Variants in TNR observed in about 807,000 individuals in gnomAD.
TNR encodes tenascin R.
Under a neutral mutation model 150.4 loss-of-function variants are expected in TNR, and 45 were observed. That is an observed-to-expected ratio of 0.30 (90% CI 0.24 to 0.38). The LOEUF (loss-of-function observed/expected upper bound fraction) is 0.38, where lower values mean the gene tolerates loss of function less well. TNR is among the 10% of genes least tolerant of loss of function. The probability of loss-of-function intolerance (pLI) is 1.00; values close to 1 mark genes in which losing one functional copy is unlikely to be tolerated. For missense variants in TNR, 1,544 were observed against 1,759.1 expected (o/e 0.88, Z 2.19); for synonymous variants, 687 against 678.4 (o/e 1.01, Z -0.20).
rs761468685 is a variant in TNR at position 175,599,661 on chromosome 1, C to T, written c.-164-71292G>A. ...GGACCTGGCTAACTCCAGAGGCCGG[C>T]GGCTCCTTGCGGTGGGGAGAGGAGG... On this transcript the variant is annotated intron_variant, in intron 1 of 22. Coordinates refer to ENST00000367674, the MANE Select transcript of TNR (RefSeq NM_003285.3). The surrounding 1 kb of genome is among the most constrained non-coding windows in gnomAD (Gnocchi z 4.7). 6.6e-6 allele frequency among the ~76,000 whole-genome samples: 1 copy of T among 152,176 alleles called. No individual in the cohort carries two copies. The highest frequency in any genetic ancestry group is 2.4e-5 in the African/African-American group (1 of 41,444).
intron 2 of TNR, among the ~76,000 whole-genome samples, chr1:175,409,484 G>A (rs1654111174): frequency 6.6e-6 from 1 of 152,158 alleles, no homozygotes; most frequent in South Asian, 2.1e-4. Context: ...AGCTTTATGT[G>A]TAAAAAAACA....
Position 175,386,262 on chromosome 1 carries a change from G to A in TNR, c.1547C>T (p.Ser516Leu), listed in dbSNP as rs769669262. 11 of 1,587,264 alleles carry A rather than the reference G, an allele frequency of 6.9e-6. No homozygotes were observed. Among genetic ancestry groups the A allele is most frequent in the African/African-American group, 4.0e-5 (3 of 74,298 alleles). The change falls in exon 8 of 23, where the codon TCG (serine) becomes TTG (leucine). Residue 516 changes from serine to leucine, a missense_variant. By Grantham distance (145) the Ser-to-Leu change is moderately radical. Around this residue, in one of 2 missense-constraint regions of TNR, gnomAD observed 1,254 missense variants for 1,329.4 expected, o/e 0.94. Transcript: ENST00000367674. ...GPTQILVRDV[S>L]DTVAFVEWIP... ...CCACTCCACAAAAGCCACAGTGTCC[G>A]AGACATCGCGAACCAGGATCTGCGT...
At chr1:175,601,204 CG>C (rs1274922293) in intron 1 of TNR, among the ~76,000 whole-genome samples, 1 of 152,180 alleles carries the variant, frequency 6.6e-6, no homozygotes, top group Non-Finnish European at 1.5e-5. Flanking sequence ...TGGTAAAAAC[CG>C]CCACATCCTG....
intron 2 of TNR, among the ~76,000 whole-genome samples, chr1:175,457,120 A>C (rs1376785830): frequency 1.3e-5 from 2 of 152,242 alleles, no homozygotes; most frequent in East Asian, 3.8e-4. Context: ...ATATATTAAA[A>C]ATAAAACTTC....
At position 175,703,506 on chromosome 1, in the gene TNR, G is replaced by A. The variant is rs150462149; in HGVS notation, c.-165+39720C>T. The stretch of plus-strand genomic sequence containing the variant: ...AGAATATTTGAATTTTATATATCCT[G>A]CATTTTACAGCTAGGGTAGGGCCTA... On this transcript the variant is annotated intron_variant, in intron 1 of 22. Transcript: ENST00000367674. Among the ~76,000 whole-genome samples the A allele has an allele frequency of 7.4e-4, 113 of 152,290 alleles. 1 individual carries two copies. The East Asian group carries it at 0.019, about 26-fold the overall frequency.
chr1:175,739,430 C>T (rs1667862089), intron 1 of TNR, among the ~76,000 whole-genome samples: 1 of 152,142 alleles, frequency 6.6e-6, no homozygotes, highest in African/African-American at 2.4e-5. Context: ...GAGAATTGGA[C>T]AGGCAAGGTG....
At chr1:175,354,336 G>A in intron 18 of TNR, 55 bp downstream of exon 18, 2 of 1,596,908 alleles carry the variant, frequency 1.3e-6, no homozygotes, top group Non-Finnish European at 1.7e-6. Context: ...GGCTGCTGAT[G>A]AGCCAAACAT....
intron 1 of TNR, among the ~76,000 whole-genome samples, chr1:175,625,992 G>A (rs909799249): frequency 6.6e-6 from 1 of 152,068 alleles, no homozygotes; most frequent in African/African-American, 2.4e-5. Flanking sequence ...TGAATCATGG[G>A]GGCCTGTCTT....
intron 15 of TNR, among the ~76,000 whole-genome samples, chr1:175,357,612 A>C (rs980658373): frequency 1.2e-4 from 19 of 152,168 alleles, no homozygotes; most frequent in Admixed American, 1.2e-3. Flanking sequence ...AAATGCCCAC[A>C]GTCTGCTCTT....
At chr1:175,556,438 C>T (rs1006737653) in intron 1 of TNR, among the ~76,000 whole-genome samples, 1 of 152,148 alleles carries the variant, frequency 6.6e-6, no homozygotes, top group Non-Finnish European at 1.5e-5. Flanking sequence ...CAACTTGTAC[C>T]AAAATACATT....
chr1:175,650,672 C>T (rs1319698911), intron 1 of TNR, among the ~76,000 whole-genome samples: 3 of 60,518 alleles, frequency 5.0e-5, no homozygotes, highest in Non-Finnish European at 1.1e-4. Context: ...TTGAGGCTGC[C>T]TCCACCTTAT....
intron 2 of TNR, among the ~76,000 whole-genome samples, chr1:175,461,063 A>C (rs1022494618): frequency 1.3e-5 from 2 of 152,236 alleles, no homozygotes; most frequent in African/African-American, 4.8e-5. Flanking sequence ...TCTGCTATTC[A>C]GCTTGTTTGC....
chr1:175,499,887 G>T (rs1658659493), intron 2 of TNR, among the ~76,000 whole-genome samples: 1 of 152,126 alleles, frequency 6.6e-6, no homozygotes, highest in African/African-American at 2.4e-5. Flanking sequence ...TTGCCCCTAA[G>T]ATTGAACTTG....
intron 2 of TNR, among the ~76,000 whole-genome samples, chr1:175,424,089 A>G (rs947774109): frequency 1.3e-5 from 2 of 152,160 alleles, no homozygotes; most frequent in Non-Finnish European, 2.9e-5. Flanking sequence ...TTAATTACTG[A>G]TTTTGGTGGG....
At chr1:175,497,974 C>A (rs1247938258) in intron 2 of TNR, among the ~76,000 whole-genome samples, 1 of 152,040 alleles carries the variant, frequency 6.6e-6, no homozygotes, top group Non-Finnish European at 1.5e-5. Flanking sequence ...GCAGGAGGAT[C>A]GCTTGAACTC....
At chr1:175,633,662 C>T (rs1664404333) in intron 1 of TNR, among the ~76,000 whole-genome samples, 4 of 152,050 alleles carry the variant, frequency 2.6e-5, no homozygotes, top group Admixed American at 2.0e-4. Context: ...GAATGGATGG[C>T]CTCTTAGTAC....
chr1:175,601,272 G>A (rs1663225085), intron 1 of TNR, among the ~76,000 whole-genome samples: 1 of 152,224 alleles, frequency 6.6e-6, no homozygotes, highest in Non-Finnish European at 1.5e-5. Flanking sequence ...TTCTTACTCA[G>A]AGATGCGGCC....
At chr1:175,402,900 CA>C (rs1273082522) in intron 4 of TNR, among the ~76,000 whole-genome samples, 4 of 152,210 alleles carry the variant, frequency 2.6e-5, no homozygotes, top group Non-Finnish European at 4.4e-5. Context: ...TCAGGGGTAA[CA>C]ATCCAGCTCT....
chr1:175,424,195 A>C (rs1004847710), intron 2 of TNR, among the ~76,000 whole-genome samples: 4 of 152,200 alleles, frequency 2.6e-5, no homozygotes, highest in African/African-American at 9.6e-5. Context: ...TGGTCTTGCT[A>C]TCTCCGGGGA....
Sources: allele counts gnomAD v4.1 joint callset (sites outside exome capture counted in the v4.1 genomes callset), GRCh38; gene constraint gnomAD v4.1.1; regional missense constraint gnomAD v4.1.1; non-coding constraint Gnocchi (gnomAD v3.1); transcripts MANE v1.5; gene names NCBI Gene and HGNC (gene_info 2026-07-23, HGNC 2026-07-21).